SMYD3: variants seen among roughly 807,000 people sequenced by gnomAD.
The protein encoded by SMYD3 is SET and MYND domain containing 3.
In SMYD3, 36 loss-of-function variants were observed where a neutral mutation model predicts 57.7. The ratio of observed to expected loss-of-function variants is 0.62; its 90% CI spans 0.48 to 0.82. The LOEUF is 0.82. Ranked by LOEUF, SMYD3 falls within the 40% of genes least tolerant of loss-of-function variation. The pLI, the probability that SMYD3 is intolerant of heterozygous loss-of-function variation, is 0.00. For synonymous variants in SMYD3, 211 were observed against 195.0 expected (o/e 1.08, Z -0.68); for missense variants, 515 against 538.8 (o/e 0.96, Z 0.44).
intron 1 of SMYD3, among the ~76,000 whole-genome samples, chr1:246,477,096 G>T (rs1572038859): frequency 6.6e-6 from 1 of 152,118 alleles, no homozygotes; most frequent in Admixed American, 6.5e-5. Context: ...TTTCAATCTA[G>T]ACCAAAATTA....
intron 1 of SMYD3, among the ~76,000 whole-genome samples, chr1:246,419,595 C>G (rs1005501247): frequency 6.6e-6 from 1 of 152,214 alleles, no homozygotes; most frequent in African/African-American, 2.4e-5. Context: ...ATGCCCTCCT[C>G]TACCCAGCAC....
chr1:245,933,701 A>G (rs954702), intron 5 of SMYD3, among the ~76,000 whole-genome samples: 107,806 of 152,164 alleles, frequency 0.71, 42,869 homozygotes, highest in Non-Finnish European at 0.89. Flanking sequence ...CAACACACAA[A>G]GTGAATACCT....
intron 8 of SMYD3, among the ~76,000 whole-genome samples, chr1:245,898,485 A>G (rs1417602970): frequency 6.6e-6 from 1 of 152,254 alleles, no homozygotes; most frequent in African/African-American, 2.4e-5. Context: ...ACCTATGAGT[A>G]TGAAGTTGAT....
intron 1 of SMYD3, among the ~76,000 whole-genome samples, chr1:246,502,935 C>T (rs1216443460): frequency 6.6e-6 from 1 of 152,176 alleles, no homozygotes; most frequent in African/African-American, 2.4e-5. Flanking sequence ...TTCAGAATCC[C>T]CTGGTACCAC....
rs538790533 is a variant in SMYD3, at chr1:245,777,408, T to A, written c.1077-13259A>T. On this transcript the variant is annotated intron_variant, in intron 10 of 11. Transcript: ENST00000490107. ...GGTAGACAAAAAATTGAGAAGTGTT[T>A]ATTTTTTTAAAAATAACTATATTTT... Among the ~76,000 whole-genome samples, 58 of 152,340 alleles carry A rather than the reference T, an allele frequency of 3.8e-4. No homozygotes were observed. In the South Asian group the frequency reaches 0.011, roughly 30 times the overall value.
intron 1 of SMYD3, among the ~76,000 whole-genome samples, chr1:246,452,196 T>A (rs2067642273): frequency 6.6e-6 from 1 of 152,066 alleles, no homozygotes; most frequent in Admixed American, 6.5e-5. Flanking sequence ...ACGAACACAT[T>A]AAAAATTACT....
chr1:246,224,916 G>A lies in SMYD3; in HGVS notation c.531+102285C>T, dbSNP rs529066528. Among the ~76,000 whole-genome samples the A allele has an allele frequency of 1.4e-4, 22 of 152,124 alleles. No homozygotes were observed. In the South Asian group the frequency reaches 3.9e-3, roughly 27 times the overall value. On this transcript the variant is annotated intron_variant, in intron 5 of 11. Coordinates refer to ENST00000490107, the MANE Select transcript of SMYD3 (RefSeq NM_001167740.2). ...AAAAAGGAAGGTGGCAGAGGGAGCC[G>A]AGGAATCAAGAGTTCTGCTCTGGCT...
intron 5 of SMYD3, among the ~76,000 whole-genome samples, chr1:245,940,070 C>T (rs1294659205): frequency 1.3e-5 from 2 of 152,178 alleles, no homozygotes; most frequent in African/African-American, 4.8e-5. Context: ...ATCCATCCCT[C>T]CTCACCTTCC....
At chr1:246,159,445 C>T (rs1007793094) in intron 5 of SMYD3, among the ~76,000 whole-genome samples, 1 of 152,142 alleles carries the variant, frequency 6.6e-6, no homozygotes, top group Admixed American at 6.5e-5. Flanking sequence ...TAGTACCTTC[C>T]CCAGAAGCCC....
chr1:245,962,029 G>A (rs1474245954), intron 5 of SMYD3, among the ~76,000 whole-genome samples: 3 of 152,172 alleles, frequency 2.0e-5, no homozygotes, highest in African/African-American at 2.4e-5. Flanking sequence ...GAGGCTCAGA[G>A]CAGCCTGGCT....
intron 8 of SMYD3, among the ~76,000 whole-genome samples, chr1:245,881,927 G>A (rs571429208): frequency 8.5e-5 from 13 of 152,294 alleles, no homozygotes; most frequent in East Asian, 1.9e-4. Context: ...TATTCCAGCC[G>A]TGAGCCTGAG....
Position 245,929,893 on chromosome 1 carries a change from T to C in SMYD3, c.576A>G (p.Glu192=). The change falls in exon 6 of 12, where the codon GAA becomes GAG. Residue 192 remains glutamate (E), a synonymous_variant. Coordinates refer to ENST00000490107, the MANE Select transcript of SMYD3 (RefSeq NM_001167740.2). ...SFTICNAEMQ[E]VGVGLYPSIS... is the part of the protein sequence containing the mutation. ...ACCTGGGATATAGGCCAACACCAAC[T>C]TCCTGCATCTCCGCATTACAGATGG... 1.2e-6 allele frequency: 2 copies of C among 1,613,848 alleles called. No individual in the cohort carries two copies. The highest frequency in any genetic ancestry group is 1.7e-6 in the Non-Finnish European group (2 of 1,179,808).
intron 2 of SMYD3, among the ~76,000 whole-genome samples, chr1:246,341,958 A>T (rs532181768): frequency 6.6e-6 from 1 of 152,328 alleles, no homozygotes; most frequent in Non-Finnish European, 1.5e-5. Context: ...TTCCATAAGA[A>T]GATTAGATTC....
chr1:246,428,180 G>A (rs2067248571), intron 1 of SMYD3, among the ~76,000 whole-genome samples: 1 of 152,104 alleles, frequency 6.6e-6, no homozygotes. Context: ...TTCAATCCTG[G>A]AAAAAATTGG....
chr1:246,282,449 T>C (rs1466273357), intron 5 of SMYD3, among the ~76,000 whole-genome samples: 1 of 150,572 alleles, frequency 6.6e-6, no homozygotes, highest in African/African-American at 2.4e-5. Context: ...CAGTGAGCTG[T>C]GGGCCAAGGT....
intron 1 of SMYD3, among the ~76,000 whole-genome samples, chr1:246,434,793 T>C (rs149307733): frequency 6.6e-6 from 1 of 152,198 alleles, no homozygotes; most frequent in Non-Finnish European, 1.5e-5. Context: ...ATGCCATTAG[T>C]AGGTATCTAT....
At chr1:246,113,767 C>T (rs1328542684) in intron 5 of SMYD3, 2 of 152,202 alleles carry the variant, frequency 1.3e-5, no homozygotes, top group East Asian at 1.9e-4. Context: ...ATGACTGGAA[C>T]ACAGGCAGAC....
chr1:246,260,850 C>T (rs2148520690), intron 5 of SMYD3, among the ~76,000 whole-genome samples: 1 of 152,200 alleles, frequency 6.6e-6, no homozygotes, highest in African/African-American at 2.4e-5. Context: ...ACAATCTGCA[C>T]TTTATAAATG....
intron 2 of SMYD3, among the ~76,000 whole-genome samples, chr1:246,351,019 C>G (rs919968227): frequency 6.6e-6 from 1 of 152,158 alleles, no homozygotes; most frequent in South Asian, 2.1e-4. Context: ...ATTATCACTG[C>G]TTTGGTTATG....
Sources: gnomAD v4.1 joint callset for allele counts (sites outside exome capture counted in the v4.1 genomes callset) on GRCh38, gnomAD v4.1.1 for gene constraint, MANE v1.5 for transcripts, NCBI Gene and HGNC (gene_info 2026-07-23, HGNC 2026-07-21) for gene names.